The following ITGAD variants were observed in gnomAD, a reference collection of about 807,000 sequenced individuals.
ITGAD encodes the protein integrin alpha-D.
ITGAD carries 105 observed loss-of-function variants against 139.0 expected under a neutral mutation model. The ratio of observed to expected loss-of-function variants is 0.76; its 90% CI spans 0.65 to 0.89. The LOEUF (loss-of-function observed/expected upper bound fraction) is 0.89, where lower values mean the gene tolerates loss of function less well. Ranked by LOEUF, ITGAD falls within the 40% of genes least tolerant of loss-of-function variation. The pLI is 0.00. For synonymous variants in ITGAD, 569 were observed against 598.3 expected (o/e 0.95, Z 0.71); for missense variants, 1,384 against 1,487.3 (o/e 0.93, Z 1.14).
chr16:31,412,919 G>C lies in ITGAD; in HGVS notation c.1789G>C (p.Gly597Arg). ...TGGGGGTCAGGACCTCACCCAGGAT[G>C]GACTGATGGACCTGGCCGTGGGGGC... is the stretch of plus-strand genomic sequence containing the variant. ...LSGGQDLTQD[G>R]LMDLAVGARG... The change falls in exon 15 of 30, where the codon GGA becomes CGA. Residue 597 changes from glycine (G) to arginine (R), a missense_variant. Transcript: ENST00000389202. 6.2e-7 allele frequency: 1 copy of C among 1,613,050 alleles called. No homozygotes were observed. The highest frequency in any genetic ancestry group is 1.1e-5 in the South Asian group (1 of 90,950).
At chr16:31,419,585 C>A (rs149845592) in intron 23 of ITGAD, among the ~76,000 whole-genome samples, 1 of 151,856 alleles carries the variant, frequency 6.6e-6, no homozygotes. Context: ...CTGAGGCAGG[C>A]GGATCACCTG....
In ITGAD at chr16:31,397,415, ATGAC is replaced by A. The variant is rs771218054; in HGVS notation, c.197_200del (p.Asp66AlafsTer20). The A allele has an allele frequency of 1.9e-6, 3 of 1,604,002 alleles. No individual in the cohort carries two copies. The highest frequency in any genetic ancestry group is 3.4e-5 in the Admixed American group (2 of 58,748). ...GCGGCCAACCAGACGGGACGGCTGT[ATGAC>A]TGCGCAGCTGCCACCGGCATGTGCC... On this transcript the variant is annotated frameshift_variant, in exon 3 of 30. Transcript: ENST00000389202. LOFTEE classifies it high-confidence loss of function.
In ITGAD at chr16:31,411,388, G is replaced by A; in HGVS notation, c.1578G>A (p.Val526=). 6.2e-7 allele frequency: 1 copy of A among 1,614,084 alleles called. No individual in the cohort carries two copies. The highest frequency in any genetic ancestry group is 8.5e-7 in the Non-Finnish European group (1 of 1,179,994). Residue 526 remains valine (V), a synonymous_variant, in exon 14 of 30, where the codon GTG becomes GTA. Coordinates refer to ENST00000389202, the MANE Select transcript of ITGAD (RefSeq NM_005353.3). ...GCCGCTTTGGGGCAGCCCTGACAGT[G>A]TTGGGGGATGTGAATGAGGACAAGC... ...PWGRFGAALT[V]LGDVNEDKLI...
In ITGAD at chr16:31,408,457, C is replaced by T. The variant is rs770169171; in HGVS notation, c.1042C>T (p.His348Tyr). 10 of 1,614,086 alleles carry T rather than the reference C, an allele frequency of 6.2e-6. No individual in the cohort carries two copies. ...TQSRASSSFQ[H>Y]EMSQEGFSTA... ...GTCCAGGGCAAGCAGCTCCTTCCAG[C>T]ACGAGATGTCCCAAGAAGGCTTCAG... Residue 348 changes from histidine (H) to tyrosine (Y), a missense_variant, in exon 10 of 30, where the codon CAC (histidine) becomes TAC (tyrosine). Physicochemically the swap from His to Tyr is moderately conservative, Grantham distance 83 (BLOSUM62 2). Transcript: ENST00000389202.
At chr16:31,420,817 A>AC (rs939623408) in intron 23 of ITGAD, among the ~76,000 whole-genome samples, 8 of 151,574 alleles carry the variant, frequency 5.3e-5, no homozygotes, top group African/African-American at 7.3e-5. Context: ...CAGGTGATCC[A>AC]CCCCCACCCG....
intron 14 of ITGAD, among the ~76,000 whole-genome samples, 170 bp downstream of exon 14, chr16:31,411,687 TGG>T (rs1360580230): frequency 6.6e-6 from 1 of 152,230 alleles, no homozygotes; most frequent in Non-Finnish European, 1.5e-5. Flanking sequence ...TCCATCTGTG[TGG>T]GCAGCTTAAT....
chr16:31,404,163 C>T (rs571649829), intron 7 of ITGAD: 3 of 156,176 alleles, frequency 1.9e-5, no homozygotes, highest in African/African-American at 7.2e-5. Flanking sequence ...GGAATTGTCA[C>T]CCAAGGTCGT....
chr16:31,417,971 A>G, intron 20 of ITGAD, 104 bp from the exon 21 acceptor site: 1 of 889,568 alleles, frequency 1.1e-6, no homozygotes, highest in Non-Finnish European at 1.8e-6. Context: ...ACAAAAAAAG[A>G]AAAGTCTGTC....
chr16:31,405,692 G>C (rs2081521822), intron 7 of ITGAD, among the ~76,000 whole-genome samples: 1 of 149,666 alleles, frequency 6.7e-6, no homozygotes, highest in Non-Finnish European at 1.5e-5. Context: ...TCCCAGGCTG[G>C]GGTGCGGTGG....
At chr16:31,398,870 G>T (rs145613262) in intron 5 of ITGAD, among the ~76,000 whole-genome samples, 1 of 152,134 alleles carries the variant, frequency 6.6e-6, no homozygotes, top group Non-Finnish European at 1.5e-5. Context: ...GCCAACAGGT[G>T]CATGGCCACT....
intron 5 of ITGAD, 51 bp downstream of exon 5, chr16:31,397,960 G>A: frequency 2.1e-6 from 3 of 1,419,568 alleles, no homozygotes; most frequent in Non-Finnish European, 2.9e-6. Context: ...CTGGCACTGA[G>A]GGTGAGCAGG....
At chr16:31,416,148 C>T (rs1597150673) in intron 18 of ITGAD, 65 bp from the exon 19 acceptor site, 2 of 1,359,726 alleles carry the variant, frequency 1.5e-6, no homozygotes, top group Non-Finnish European at 2.1e-6. Context: ...GAGAGTGCTT[C>T]TAAGGAGGGG....
At chr16:31,408,674 T>C (rs2081601701) in intron 10 of ITGAD, 176 bp downstream of exon 10, 1 of 587,328 alleles carries the variant, frequency 1.7e-6, no homozygotes, top group Non-Finnish European at 3.0e-6. Flanking sequence ...GTAGCCTGGG[T>C]TCCTGCTCTC....
rs1458234208 is a variant in ITGAD at position 31,403,894 on chromosome 16, C to G, written c.704+249C>G. ...TGCCTGGTTCTGCAGAGCCTGGACC[C>G]CAGGACCCCTCCCCACCCCACAGCA... is the stretch of plus-strand genomic sequence containing the variant. On this transcript the variant is annotated intron_variant, in intron 7 of 29. Transcript: ENST00000389202. This position sits in a 1 kb window ranked among gnomAD's most constrained non-coding sequence, Gnocchi z 4.4. The G allele has an allele frequency of 2.0e-6, 1 of 503,262 alleles. No homozygotes were observed. The highest frequency in any genetic ancestry group is 3.6e-6 in the Non-Finnish European group (1 of 278,928). The allele number at this position is 503,262 out of a possible 1,614,324, so 31.2% of individuals were successfully genotyped here. A position where few individuals can be genotyped will look rare whatever the true frequency, so the allele number is the denominator to read the frequency against.
Position 31,423,435 on chromosome 16 carries a change from T to A in ITGAD, c.2943T>A (p.Asp981Glu). ...PVLLNGVAVW[D>E]VVMEAPSQSL... ...TGCTGAACGGGGTGGCTGTGTGGGA[T>A]GTGGTCATGGAGGCCCCATCTCAGG... Residue 981 changes from aspartate to glutamate, a missense_variant, in exon 25 of 30, where the codon GAT becomes GAA. Asp to Glu is a conservative substitution (Grantham distance 45, BLOSUM62 2). Transcript: ENST00000389202. 6.2e-7 allele frequency: 1 copy of A among 1,614,108 alleles called. No individual in the cohort carries two copies. Among genetic ancestry groups the A allele is most frequent in the Non-Finnish European group, 8.5e-7 (1 of 1,180,008 alleles).
chr16:31,411,093 G>T lies in ITGAD; in HGVS notation c.1374G>T (p.Gly458=), dbSNP rs746741183. ...VTGTQIGSYF[G]ASLCSVDVDS... ...CCCTCCAGATCGGCTCCTACTTCGGGGCCTCCCTCTGCTCTGTGGATGTGG... is the reference window on the plus strand; with the variant it reads ...CCCTCCAGATCGGCTCCTACTTCGGTGCCTCCCTCTGCTCTGTGGATGTGG... Residue 458 remains glycine, a synonymous_variant, in exon 13 of 30, where the codon GGG becomes GGT. Transcript: ENST00000389202. 6.2e-7 allele frequency: 1 copy of T among 1,612,348 alleles called. No individual in the cohort carries two copies. The highest frequency in any genetic ancestry group is 8.5e-7 in the Non-Finnish European group (1 of 1,179,742).
At chr16:31,394,142 A>AG (rs1448370687) in intron 1 of ITGAD, 94 bp from the exon 2 acceptor site, 4,484 of 554,756 alleles carry the variant, frequency 8.1e-3, no homozygotes, top group East Asian at 0.025. Context: ...AAAAAAAAAA[A>AG]AAAAAAAAGA....
intron 2 of ITGAD, among the ~76,000 whole-genome samples, chr16:31,395,505 G>C (rs1467248930): frequency 1.3e-5 from 2 of 152,174 alleles, no homozygotes; most frequent in African/African-American, 4.8e-5. Context: ...AAGTCAGTTA[G>C]GGGCGCTCAC....
intron 5 of ITGAD, among the ~76,000 whole-genome samples, chr16:31,401,470 C>A: frequency 6.6e-6 from 1 of 152,184 alleles, no homozygotes; most frequent in East Asian, 1.9e-4. Flanking sequence ...AAATAAGGAC[C>A]TCTGACCGAC....
Sources: allele counts gnomAD v4.1 joint callset (sites outside exome capture counted in the v4.1 genomes callset), GRCh38; gene constraint gnomAD v4.1.1; non-coding constraint Gnocchi (gnomAD v3.1); transcripts MANE v1.5; gene names NCBI Gene and HGNC (gene_info 2026-07-23, HGNC 2026-07-21).